PAK5: variants seen among roughly 807,000 people sequenced by gnomAD.
The protein encoded by PAK5 is p21 (RAC1) activated kinase 5.
Under a neutral mutation model 65.9 loss-of-function variants are expected in PAK5, and 16 were observed. The observed-to-expected ratio is 0.24, with a 90% CI of 0.16 to 0.37. The LOEUF is 0.37. Ranked by LOEUF, PAK5 falls within the 10% of genes least tolerant of loss-of-function variation. PAK5 has a pLI of 1.00. For synonymous variants in PAK5, 371 were observed against 354.9 expected, an observed-to-expected ratio of 1.05 and a Z score of -0.51; for missense variants, 785 against 903.9, an observed-to-expected ratio of 0.87 and a Z score of 1.69.
At chr20:9,565,142 TATG>T (rs1366807858) in intron 5 of PAK5, among the ~76,000 whole-genome samples, 11 of 151,934 alleles carry the variant, frequency 7.2e-5, no homozygotes, top group Non-Finnish European at 1.6e-4. Flanking sequence ...CAATATATTT[TATG>T]ATATTAATTT....
rs193008011 is a variant in PAK5, at chr20:9,719,910, G to C, written c.-161-8475C>G. On this transcript the variant is annotated intron_variant, in intron 1 of 9. Coordinates refer to ENST00000353224, the MANE Select transcript of PAK5 (RefSeq NM_177990.4). ...GTTTAGAAAAGCTATTTTAATTCCT[G>C]TGTTTAAGTTATATGGAAATTAACT... 9.8e-5 allele frequency among the ~76,000 whole-genome samples: 15 copies of C among 152,302 alleles called. 1 individual carries two copies. Among genetic ancestry groups the C allele is most frequent in the African/African-American group, 3.4e-4 (14 of 41,558 alleles).
At chr20:9,688,372 C>T (rs895755374) in intron 2 of PAK5, among the ~76,000 whole-genome samples, 2 of 151,890 alleles carry the variant, frequency 1.3e-5, no homozygotes, top group African/African-American at 4.8e-5. Flanking sequence ...ACTCGAGCGG[C>T]TTCTTCAAAG....
rs144419473 is a variant in PAK5, at chr20:9,687,276, C to A, written c.-12+24010G>T. ...GCATATATCAAGTCTGCGTATTTTT[C>A]TTTTTAGATACAGTGCCAAGATTCT... On this transcript the variant is annotated intron_variant, in intron 2 of 9. Coordinates refer to ENST00000353224, the MANE Select transcript of PAK5 (RefSeq NM_177990.4). Among the ~76,000 whole-genome samples the A allele has an allele frequency of 4.6e-3, 705 of 152,300 alleles. 6 individuals are homozygous for A. The highest frequency in any genetic ancestry group is 0.016 in the African/African-American group (664 of 41,574).
chr20:9,629,604 G>A (rs1270456306), intron 3 of PAK5, among the ~76,000 whole-genome samples: 2 of 152,178 alleles, frequency 1.3e-5, no homozygotes, highest in African/African-American at 2.4e-5. Flanking sequence ...GATTACAGGT[G>A]TGAGCCACCA....
intron 4 of PAK5, among the ~76,000 whole-genome samples, chr20:9,568,938 G>A (rs557062635): frequency 3.6e-4 from 55 of 152,290 alleles, no homozygotes; most frequent in African/African-American, 1.1e-3. Flanking sequence ...CTGGCAAACA[G>A]CCATGTGAGC....
At chr20:9,680,542 G>A (rs1687035906) in intron 2 of PAK5, among the ~76,000 whole-genome samples, 1 of 152,148 alleles carries the variant, frequency 6.6e-6, no homozygotes, top group South Asian at 2.1e-4. Flanking sequence ...CAAGGAAGTG[G>A]GACATTTATT....
At chr20:9,802,037 TA>T (rs1319902318) in intron 1 of PAK5, among the ~76,000 whole-genome samples, 1 of 152,090 alleles carries the variant, frequency 6.6e-6, no homozygotes, top group Non-Finnish European at 1.5e-5. Context: ...TGAGAATCCA[TA>T]AAAAATGCTT....
chr20:9,604,640 C>T (rs2046419052), intron 3 of PAK5, among the ~76,000 whole-genome samples: 2 of 152,242 alleles, frequency 1.3e-5, no homozygotes, highest in South Asian at 4.1e-4. Context: ...TGCATCCAAA[C>T]TTGTGACCTC....
At position 9,542,666 on chromosome 20, in the gene PAK5, G is replaced by A. The variant is rs866291709; in HGVS notation, c.1924C>T (p.Pro642Ser). 1 of 1,614,042 alleles carries A rather than the reference G, an allele frequency of 6.2e-7. No individual in the cohort carries two copies. The highest frequency in any genetic ancestry group is 2.2e-5 in the East Asian group (1 of 44,874). Residue 642 changes from proline (P) to serine (S), a missense_variant, in exon 9 of 10, where the codon CCC (proline) becomes TCC (serine). By Grantham distance (74) the Pro-to-Ser change is moderately conservative (BLOSUM62 -1). Coordinates refer to ENST00000353224, the MANE Select transcript of PAK5 (RefSeq NM_177990.4). ...MVIEMIDGEP[P>S]YFNEPPLQAM... ...TGGAGGGGAGGCTCATTGAAGTAGG[G>A]GGGCTCGCCATCAATCATTTCTATC...
chr20:9,671,271 C>A (rs1463190065), intron 2 of PAK5, among the ~76,000 whole-genome samples: 7 of 152,070 alleles, frequency 4.6e-5, no homozygotes, highest in Non-Finnish European at 1.0e-4. Context: ...TTTTTTCATT[C>A]CATATGAACT....
At position 9,544,513 on chromosome 20, in the gene PAK5, C is replaced by A; in HGVS notation, c.1744-19G>T. 6.2e-7 allele frequency: 1 copy of A among 1,611,602 alleles called. No homozygotes were observed. Among genetic ancestry groups the A allele is most frequent in the South Asian group, 1.1e-5 (1 of 91,018 alleles). ...ACTTTATCTGAAAAGGAAAGGAATG[C>A]AACAAACTAGCAATTTTAAAACAAT... On this transcript the variant is annotated intron_variant, in intron 7 of 9. Coordinates refer to ENST00000353224, the MANE Select transcript of PAK5 (RefSeq NM_177990.4).
At chr20:9,603,312 A>C (rs2046393123) in intron 3 of PAK5, among the ~76,000 whole-genome samples, 1 of 152,226 alleles carries the variant, frequency 6.6e-6, no homozygotes, top group South Asian at 2.1e-4. Flanking sequence ...TTTACCTGGA[A>C]GAGAGGAGGT....
At chr20:9,772,732 G>A (rs1242364502) in intron 1 of PAK5, among the ~76,000 whole-genome samples, 1 of 152,236 alleles carries the variant, frequency 6.6e-6, no homozygotes, top group Non-Finnish European at 1.5e-5. Flanking sequence ...AGTAGATGTT[G>A]TCAGTGCCAT....
chr20:9,831,850 G>A (rs901179379), intron 1 of PAK5, among the ~76,000 whole-genome samples: 2 of 151,970 alleles, frequency 1.3e-5, no homozygotes, highest in Non-Finnish European at 2.9e-5. Context: ...CAAAATAAAA[G>A]CCATCCATAT....
intron 3 of PAK5, among the ~76,000 whole-genome samples, chr20:9,618,062 T>C (rs567183428): frequency 3.9e-5 from 6 of 152,162 alleles, no homozygotes; most frequent in Non-Finnish European, 8.8e-5. Context: ...GAGGTAATAT[T>C]AGTATAAGGA....
At chr20:9,561,482 A>T (rs1396656433) in intron 6 of PAK5, among the ~76,000 whole-genome samples, 2 of 152,036 alleles carry the variant, frequency 1.3e-5, no homozygotes, top group Non-Finnish European at 2.9e-5. Flanking sequence ...TTTGTTGGGC[A>T]TGTCTTATTG....
At chr20:9,782,211 T>C (rs2048948061) in intron 1 of PAK5, among the ~76,000 whole-genome samples, 1 of 152,120 alleles carries the variant, frequency 6.6e-6, no homozygotes, top group Non-Finnish European at 1.5e-5. Context: ...CCCAGATATC[T>C]ACATGTTCCC....
intron 2 of PAK5, among the ~76,000 whole-genome samples, chr20:9,654,571 C>A (rs1274326341): frequency 6.6e-6 from 1 of 152,112 alleles, no homozygotes; most frequent in Non-Finnish European, 1.5e-5. Context: ...GTTTTCCACC[C>A]TGTAGGCAGA....
intron 2 of PAK5, among the ~76,000 whole-genome samples, chr20:9,706,471 C>CTTTTTTTTTTTTTTTTTTTTTTTTTTTT (rs34420250): frequency 8.0e-6 from 1 of 125,412 alleles, no homozygotes; most frequent in African/African-American, 3.0e-5. Context: ...TCTACAAACT[C>CTTTTTTTTTTTTTTTTTTTTTTTTTTTT]TTTTTTTTTT....
Sources: gnomAD v4.1 joint callset for allele counts (sites outside exome capture counted in the v4.1 genomes callset) on GRCh38, gnomAD v4.1.1 for gene constraint, MANE v1.5 for transcripts, NCBI Gene and HGNC (gene_info 2026-07-23, HGNC 2026-07-21) for gene names.